SGSM1: variants seen among roughly 807,000 people sequenced by gnomAD.
SGSM1 encodes small G protein signaling modulator 1.
SGSM1 carries 73 observed loss-of-function variants against 133.8 expected under a neutral mutation model. That is an observed-to-expected ratio of 0.55 (90% CI 0.45 to 0.66). The LOEUF (loss-of-function observed/expected upper bound fraction) is 0.66, where lower values mean the gene tolerates loss of function less well. Among genes scored for constraint, SGSM1 ranks in the 30% least tolerant of loss-of-function variants. The pLI is 0.00. For missense variants in SGSM1, 1,213 were observed against 1,448.1 expected (o/e 0.84, Z 2.64); for synonymous variants, 563 against 573.0 (o/e 0.98, Z 0.25).
chr22:24,843,835 G>A (rs79597), intron 2 of SGSM1: 6,532 of 152,262 alleles, frequency 0.043, 184 homozygotes, highest in Non-Finnish European at 0.064. Context: ...GCAGGGAAGA[G>A]CACACAGCCT....
At chr22:24,918,809 G>A (rs1436201321) in intron 23 of SGSM1, among the ~76,000 whole-genome samples, 1 of 151,648 alleles carries the variant, frequency 6.6e-6, no homozygotes, top group Non-Finnish European at 1.5e-5. Flanking sequence ...TTGGCTCACT[G>A]CAACCTCCGC....
intron 2 of SGSM1, chr22:24,813,930 C>G (rs1927909671): frequency 6.6e-6 from 1 of 152,272 alleles, no homozygotes; most frequent in South Asian, 2.1e-4. Context: ...TTGCTGTCTG[C>G]AGAGCCCAGG....
intron 19 of SGSM1, among the ~76,000 whole-genome samples, chr22:24,901,559 T>C (rs1933161728): frequency 6.6e-6 from 1 of 152,144 alleles, no homozygotes; most frequent in African/African-American, 2.4e-5. Flanking sequence ...TCTGTGCAGT[T>C]CTTCATTCTC....
intron 21 of SGSM1, among the ~76,000 whole-genome samples, chr22:24,908,210 AAACT>A: frequency 6.6e-6 from 1 of 152,180 alleles, no homozygotes. Context: ...CACATACAAC[AAACT>A]AACTCAAAAT....
intron 17 of SGSM1, 87 bp from the exon 18 acceptor site, chr22:24,895,136 C>T: frequency 7.4e-7 from 1 of 1,357,390 alleles, no homozygotes; most frequent in South Asian, 1.3e-5. Context: ...TGCAACTAGA[C>T]TTTCTGGCTC....
At chr22:24,906,146 A>C (rs1933369792) in intron 21 of SGSM1, among the ~76,000 whole-genome samples, 1 of 152,236 alleles carries the variant, frequency 6.6e-6, no homozygotes, top group Non-Finnish European at 1.5e-5. Context: ...CTACATTACT[A>C]AAATAAAGGG....
At chr22:24,807,705 TGTGTGTGTGTGTACATGC>T (rs1202891371) in intron 2 of SGSM1, among the ~76,000 whole-genome samples, 1 of 151,258 alleles carries the variant, frequency 6.6e-6, no homozygotes, top group Non-Finnish European at 1.5e-5. Flanking sequence ...TGGCTTTCAG[TGTGTGTGTGTGTACATGC>T]GTGCATGTGT....
chr22:24,833,932 T>C (rs1668945805), intron 2 of SGSM1, among the ~76,000 whole-genome samples: 1 of 152,222 alleles, frequency 6.6e-6, no homozygotes, highest in Non-Finnish European at 1.5e-5. Flanking sequence ...GGTTGGCAGC[T>C]CCTCTTCCCA....
At chr22:24,831,607 C>T (rs1244306296) in intron 2 of SGSM1, among the ~76,000 whole-genome samples, 5 of 152,326 alleles carry the variant, frequency 3.3e-5, no homozygotes, top group Admixed American at 2.6e-4. Flanking sequence ...CTCACGCTCC[C>T]TCCTCTGCCC....
intron 2 of SGSM1, among the ~76,000 whole-genome samples, chr22:24,816,883 A>C (rs1178002183): frequency 6.6e-6 from 1 of 152,184 alleles, no homozygotes; most frequent in Non-Finnish European, 1.5e-5. Context: ...TTTCTGCAGA[A>C]AAGAAAACCT....
chr22:24,892,516 G>A (rs1932832175), intron 16 of SGSM1, among the ~76,000 whole-genome samples: 1 of 152,122 alleles, frequency 6.6e-6, no homozygotes, highest in Admixed American at 6.6e-5. Flanking sequence ...AAGCGGGTTG[G>A]TTTTATTTGT....
chr22:24,858,363 C>T (rs1327320725), intron 8 of SGSM1, among the ~76,000 whole-genome samples: 2 of 152,020 alleles, frequency 1.3e-5, no homozygotes, highest in Non-Finnish European at 2.9e-5. Context: ...GCCTGTAATC[C>T]TAGAACTTTG....
intron 9 of SGSM1, among the ~76,000 whole-genome samples, chr22:24,863,885 G>A (rs1931300862): frequency 6.7e-6 from 1 of 150,008 alleles, no homozygotes; most frequent in Non-Finnish European, 1.5e-5. Context: ...GGGATTACAG[G>A]CATGTGCCAC....
At chr22:24,880,641 C>T (rs2123662173) in intron 14 of SGSM1, among the ~76,000 whole-genome samples, 1 of 152,290 alleles carries the variant, frequency 6.6e-6, no homozygotes, top group African/African-American at 2.4e-5. Context: ...TGTTCTGTTG[C>T]CACCCATCCA....
intron 19 of SGSM1, among the ~76,000 whole-genome samples, chr22:24,900,340 C>CTTTCT (rs1036191488): frequency 2.4e-5 from 3 of 126,032 alleles, no homozygotes; most frequent in South Asian, 2.6e-4. Context: ...TTGTTAACCT[C>CTTTCT]TTCTTTCTTT....
rs953569863 is a variant in SGSM1 at position 24,816,133 on chromosome 22, T to A, written c.63+9649T>A. 1.2e-4 allele frequency among the ~76,000 whole-genome samples: 19 copies of A among 152,204 alleles called. 1 individual carries two copies. The highest frequency in any genetic ancestry group is 4.6e-4 in the African/African-American group (19 of 41,458). ...TGTAGCAACTACCATTTACCAAATA[T>A]TGCTGTAAGTGCTTTGCTGTCTCAT... On this transcript the variant is annotated intron_variant, in intron 2 of 24. Transcript: ENST00000400358.
At chr22:24,876,525 C>T (rs2147886208) in intron 12 of SGSM1, 52 bp from the exon 13 acceptor site, 1 of 1,607,802 alleles carries the variant, frequency 6.2e-7, no homozygotes, top group South Asian at 1.1e-5. Flanking sequence ...TTCTGTGACC[C>T]ACATAGGTTT....
intron 2 of SGSM1, among the ~76,000 whole-genome samples, chr22:24,839,211 T>G (rs1929649159): frequency 6.6e-6 from 1 of 152,140 alleles, no homozygotes; most frequent in African/African-American, 2.4e-5. Flanking sequence ...CATGCCACCA[T>G]GCCTGGCTAG....
intron 21 of SGSM1, among the ~76,000 whole-genome samples, chr22:24,907,937 A>G (rs1933462472): frequency 7.0e-6 from 1 of 142,926 alleles, no homozygotes; most frequent in Non-Finnish European, 1.5e-5. Flanking sequence ...AAAAAAAAAG[A>G]TGTTGCAGGA....
Sources: gnomAD v4.1 joint callset for allele counts (sites outside exome capture counted in the v4.1 genomes callset) on GRCh38, gnomAD v4.1.1 for gene constraint, MANE v1.5 for transcripts, NCBI Gene and HGNC (gene_info 2026-07-23, HGNC 2026-07-21) for gene names.